Variants in PARD3 observed in about 807,000 individuals in gnomAD.
The protein encoded by PARD3 is par-3 family cell polarity regulator.
A neutral mutation model predicts 155.4 loss-of-function variants in PARD3; 75 were observed. The ratio of observed to expected loss-of-function variants is 0.48; its 90% CI spans 0.40 to 0.58. PARD3 has a LOEUF of 0.58. Ranked by LOEUF, PARD3 falls within the 20% of genes least tolerant of loss-of-function variation. PARD3 has a pLI of 0.00. For synonymous variants in PARD3, 576 were observed against 610.5 expected (o/e 0.94, Z 0.83); for missense variants, 1,642 against 1,721.7 (o/e 0.95, Z 0.82).
intron 2 of PARD3, among the ~76,000 whole-genome samples, chr10:34,648,544 C>T (rs2092914048): frequency 1.3e-5 from 2 of 152,184 alleles, no homozygotes; most frequent in African/African-American, 4.8e-5. Context: ...CATCTGGCCT[C>T]CGCCTCAGAT....
intron 5 of PARD3, among the ~76,000 whole-genome samples, chr10:34,409,371 G>C (rs1230730481): frequency 6.6e-6 from 1 of 152,024 alleles, no homozygotes; most frequent in African/African-American, 2.4e-5. Context: ...AATCTTCTTG[G>C]AAGATATTTA....
intron 5 of PARD3, among the ~76,000 whole-genome samples, chr10:34,421,049 C>A (rs1056735320): frequency 1.2e-4 from 19 of 152,194 alleles, no homozygotes; most frequent in African/African-American, 4.3e-4. Flanking sequence ...GTGGTGTGCA[C>A]CCATGGTTCC....
intron 18 of PARD3, among the ~76,000 whole-genome samples, chr10:34,334,669 A>T (rs570112927): frequency 6.6e-6 from 1 of 151,584 alleles, no homozygotes; most frequent in Non-Finnish European, 1.5e-5. Context: ...GTATTTTGAC[A>T]TCTTTGTAAT....
At position 34,666,812 on chromosome 10, in the gene PARD3, T is replaced by C. The variant is rs1344524301; in HGVS notation, c.222+29506A>G. 8.3e-3 allele frequency among the ~76,000 whole-genome samples: 793 copies of C among 95,258 alleles called. 12 individuals are homozygous for C. The highest frequency in any genetic ancestry group is 0.034 in the African/African-American group (726 of 21,170). The allele number at this position is 95,258 out of a possible 152,430, so 62.5% of individuals were successfully genotyped here. A position where few individuals can be genotyped will look rare whatever the true frequency, so the allele number is the denominator to read the frequency against. On this transcript the variant is annotated intron_variant, in intron 2 of 24. Coordinates refer to ENST00000374788, the MANE Select transcript of PARD3 (RefSeq NM_001184785.2). ...AAAAAAAAAAATATATATATATATA[T>C]ATATACACACACACACACACACACA...
At chr10:34,719,077 C>A (rs921289929) in intron 1 of PARD3, among the ~76,000 whole-genome samples, 1 of 152,218 alleles carries the variant, frequency 6.6e-6, no homozygotes, top group Admixed American at 6.5e-5. Context: ...CTTATTCATC[C>A]TTTCTCCCCA....
At chr10:34,775,964 C>T (rs1204705328) in intron 1 of PARD3, among the ~76,000 whole-genome samples, 1 of 152,154 alleles carries the variant, frequency 6.6e-6, no homozygotes, top group Non-Finnish European at 1.5e-5. Flanking sequence ...GTGGCTTACA[C>T]CTGTAATCCC....
intron 7 of PARD3, among the ~76,000 whole-genome samples, chr10:34,385,066 T>C (rs1183505506): frequency 6.6e-6 from 1 of 152,246 alleles, no homozygotes; most frequent in Non-Finnish European, 1.5e-5. Flanking sequence ...AATACTTCTT[T>C]AAATCACAGT....
chr10:34,303,515 A>C (rs1280693025), intron 20 of PARD3, among the ~76,000 whole-genome samples: 1 of 152,182 alleles, frequency 6.6e-6, no homozygotes, highest in East Asian at 1.9e-4. Flanking sequence ...AAGGAGATAA[A>C]ATTTTTAAAA....
At chr10:34,234,612 CAAAGAAA>C (rs1474024878) in intron 22 of PARD3, among the ~76,000 whole-genome samples, 1 of 152,098 alleles carries the variant, frequency 6.6e-6, no homozygotes, top group African/African-American at 2.4e-5. Flanking sequence ...GTCATCTTCC[CAAAGAAA>C]TTATTCAGCA....
intron 5 of PARD3, among the ~76,000 whole-genome samples, chr10:34,448,578 T>C (rs891400812): frequency 1.6e-4 from 24 of 152,056 alleles, no homozygotes; most frequent in Non-Finnish European, 1.2e-4. Flanking sequence ...GACAGTAGGA[T>C]TGCTTGAGGC....
At chr10:34,808,319 AAAAG>A (rs1036737177) in intron 1 of PARD3, among the ~76,000 whole-genome samples, 38 of 151,546 alleles carry the variant, frequency 2.5e-4, no homozygotes, top group African/African-American at 8.5e-4. Flanking sequence ...CAAAAAAAAC[AAAAG>A]AAAGAAAGAA....
At chr10:34,168,576 G>C (rs1949644980) in intron 22 of PARD3, among the ~76,000 whole-genome samples, 1 of 152,142 alleles carries the variant, frequency 6.6e-6, no homozygotes, top group South Asian at 2.1e-4. Flanking sequence ...GATTTGGTAA[G>C]TCATTGGGAG....
intron 5 of PARD3, among the ~76,000 whole-genome samples, chr10:34,414,625 G>A (rs1845474012): frequency 6.6e-6 from 1 of 151,598 alleles, no homozygotes; most frequent in African/African-American, 2.4e-5. Flanking sequence ...AGACCAGCCT[G>A]GGCAACACAG....
At chr10:34,637,532 C>T (rs998262582) in intron 2 of PARD3, among the ~76,000 whole-genome samples, 1 of 152,208 alleles carries the variant, frequency 6.6e-6, no homozygotes, top group African/African-American at 2.4e-5. Context: ...TTTGAATTCA[C>T]TACAATGCTT....
At chr10:34,436,567 T>C (rs1487517040) in intron 5 of PARD3, among the ~76,000 whole-genome samples, 1 of 152,210 alleles carries the variant, frequency 6.6e-6, no homozygotes, top group African/African-American at 2.4e-5. Context: ...GTATGTAATA[T>C]TCCTGTACAA....
At chr10:34,456,959 G>A (rs940736441) in intron 4 of PARD3, among the ~76,000 whole-genome samples, 3 of 151,996 alleles carry the variant, frequency 2.0e-5, no homozygotes, top group African/African-American at 7.2e-5. Flanking sequence ...TTCTAATATA[G>A]AAGAATTTCT....
At chr10:34,455,633 C>T (rs1014319557) in intron 4 of PARD3, among the ~76,000 whole-genome samples, 8 of 151,992 alleles carry the variant, frequency 5.3e-5, no homozygotes, top group Admixed American at 2.0e-4. Context: ...GACTCACACA[C>T]ACAAAACGCA....
intron 21 of PARD3, among the ~76,000 whole-genome samples, chr10:34,272,783 T>C (rs1589014867): frequency 1.3e-5 from 2 of 151,922 alleles, no homozygotes; most frequent in East Asian, 3.9e-4. Context: ...ACCTCAACAA[T>C]GAGAAAACAA....
At chr10:34,408,366 T>A (rs1844713786) in intron 5 of PARD3, among the ~76,000 whole-genome samples, 1 of 152,314 alleles carries the variant, frequency 6.6e-6, no homozygotes, top group East Asian at 1.9e-4. Context: ...TTTTTCATAC[T>A]TTTTAGAATC....
Sources: allele counts gnomAD v4.1 joint callset (sites outside exome capture counted in the v4.1 genomes callset), GRCh38; gene constraint gnomAD v4.1.1; transcripts MANE v1.5; gene names NCBI Gene and HGNC (gene_info 2026-07-23, HGNC 2026-07-21).